The following DNAJC1 variants were observed in gnomAD, a reference collection of about 807,000 sequenced individuals.
DNAJC1 encodes the protein DnaJ heat shock protein family (Hsp40) member C1.
A neutral mutation model predicts 76.6 loss-of-function variants in DNAJC1; 58 were observed. That is an observed-to-expected ratio of 0.76 (90% CI 0.61 to 0.94). The LOEUF (loss-of-function observed/expected upper bound fraction) is 0.94. DNAJC1 is among the 40% of genes least tolerant of loss of function. The pLI is 0.00. For synonymous variants in DNAJC1, 258 were observed against 267.9 expected (o/e 0.96, Z 0.36); for missense variants, 689 against 677.3 (o/e 1.02, Z -0.19).
chr10:21,874,817 A>T (rs1011739398), intron 8 of DNAJC1, among the ~76,000 whole-genome samples: 9 of 152,222 alleles, frequency 5.9e-5, no homozygotes, highest in Admixed American at 3.3e-4. Flanking sequence ...AAAATGTTAT[A>T]AAAAGCCTAT....
intron 9 of DNAJC1, among the ~76,000 whole-genome samples, chr10:21,784,614 G>A (rs1038849213): frequency 6.6e-6 from 1 of 152,016 alleles, no homozygotes; most frequent in African/African-American, 2.4e-5. Flanking sequence ...TGTTTATTGT[G>A]GCACTATTCA....
intron 8 of DNAJC1, among the ~76,000 whole-genome samples, chr10:21,824,964 C>T (rs1475028243): frequency 6.6e-5 from 10 of 152,084 alleles, no homozygotes; most frequent in East Asian, 3.9e-4. Flanking sequence ...TTAGTAGAGA[C>T]GGGGTTTCAT....
At chr10:21,783,021 A>G (rs1425612791) in intron 9 of DNAJC1, among the ~76,000 whole-genome samples, 6 of 152,284 alleles carry the variant, frequency 3.9e-5, no homozygotes, top group African/African-American at 1.4e-4. Flanking sequence ...CACCACTCCT[A>G]TTCAACACAG....
intron 6 of DNAJC1, among the ~76,000 whole-genome samples, chr10:21,914,252 T>G (rs1209805859): frequency 1.3e-5 from 2 of 152,240 alleles, no homozygotes; most frequent in Admixed American, 6.5e-5. Context: ...TTTCACTGTT[T>G]GGCTTTGTTC....
intron 6 of DNAJC1, among the ~76,000 whole-genome samples, chr10:21,911,079 GGAA>G: frequency 3.4e-5 from 5 of 146,424 alleles, no homozygotes; most frequent in South Asian, 2.3e-4. Context: ...AAGGAAGGAA[GGAA>G]GGAAGGCGGG....
chr10:21,772,113 T>C (rs1414361822), intron 9 of DNAJC1, among the ~76,000 whole-genome samples: 1 of 152,068 alleles, frequency 6.6e-6, no homozygotes, highest in African/African-American at 2.4e-5. Flanking sequence ...TGATAATTCT[T>C]TTTATAAGTT....
At chr10:21,834,486 T>G (rs942679184) in intron 8 of DNAJC1, among the ~76,000 whole-genome samples, 1 of 152,182 alleles carries the variant, frequency 6.6e-6, no homozygotes, top group South Asian at 2.1e-4. Context: ...GGACAGTAGG[T>G]GCAGCGCACC....
chr10:21,849,517 C>A (rs143713346), intron 8 of DNAJC1, among the ~76,000 whole-genome samples: 146 of 151,828 alleles, frequency 9.6e-4, no homozygotes, highest in African/African-American at 3.2e-3. Context: ...CAAGCCAATA[C>A]TGACAGGGGG....
intron 1 of DNAJC1, among the ~76,000 whole-genome samples, chr10:21,995,298 T>C (rs930985143): frequency 6.6e-6 from 1 of 152,174 alleles, no homozygotes. Flanking sequence ...TCCCAGTAAA[T>C]GGCAACAATG....
At chr10:21,836,647 T>C (rs1325754614) in intron 8 of DNAJC1, among the ~76,000 whole-genome samples, 1 of 151,320 alleles carries the variant, frequency 6.6e-6, no homozygotes, top group Non-Finnish European at 1.5e-5. Flanking sequence ...ACCAAGCAAA[T>C]GGAAAACAAA....
rs9045 is a variant in DNAJC1, at chr10:21,759,401, C to T, written c.1365G>A (p.Ala455=). 255,365 of 1,614,090 alleles carry T rather than the reference C, an allele frequency of 0.16. 21,420 individuals are homozygous for T. Among genetic ancestry groups the T allele is most frequent in the East Asian group, 0.22 (9,648 of 44,874 alleles). Residue 455 remains alanine, a synonymous_variant, in exon 11 of 12, where the codon GCG becomes GCA. Transcript: ENST00000376980. ...TGGACTTCTCCTCTGGCTCCGGCTT[C>T]GCTGTAGCCTCCAGCAGCCTGGCTG... is the stretch of plus-strand genomic sequence containing the variant. The part of the protein sequence containing the change: ...RKPARLLEAT[A]KPEPEEKSRA...
intron 7 of DNAJC1, among the ~76,000 whole-genome samples, chr10:21,887,574 A>G (rs1836387366): frequency 1.3e-5 from 2 of 152,178 alleles, no homozygotes; most frequent in Admixed American, 6.5e-5. Context: ...GAGCCCAGAA[A>G]TAAGGCTGCA....
chr10:21,767,234 A>G (rs945216053), intron 9 of DNAJC1, among the ~76,000 whole-genome samples: 1 of 152,214 alleles, frequency 6.6e-6, no homozygotes, highest in Non-Finnish European at 1.5e-5. Flanking sequence ...AGCTGCACCC[A>G]AGAACCATGA....
chr10:21,897,071 G>T (rs145301110), intron 7 of DNAJC1, among the ~76,000 whole-genome samples: 160 of 152,228 alleles, frequency 1.1e-3, no homozygotes, highest in African/African-American at 3.6e-3. Context: ...ATCAAGAAGA[G>T]AATTAAATTT....
chr10:21,869,256 C>T (rs1836062902), intron 8 of DNAJC1, among the ~76,000 whole-genome samples: 1 of 146,092 alleles, frequency 6.8e-6, no homozygotes, highest in South Asian at 2.3e-4. Context: ...GCCATCTATT[C>T]TCTCTGAAGC....
chr10:21,899,859 A>T (rs1836618374), intron 7 of DNAJC1, among the ~76,000 whole-genome samples: 1 of 152,228 alleles, frequency 6.6e-6, no homozygotes. Flanking sequence ...TGAACCGCAG[A>T]GGCCACCCCT....
intron 1 of DNAJC1, among the ~76,000 whole-genome samples, chr10:21,959,031 G>A (rs953920857): frequency 3.3e-5 from 5 of 152,100 alleles, no homozygotes; most frequent in African/African-American, 7.2e-5. Flanking sequence ...AGAATGCATG[G>A]AAGGTATGAG....
intron 7 of DNAJC1, among the ~76,000 whole-genome samples, chr10:21,891,207 A>C (rs1209090757): frequency 6.6e-6 from 1 of 152,060 alleles, no homozygotes; most frequent in Non-Finnish European, 1.5e-5. Context: ...TAAATAAATA[A>C]AAAATTACTT....
chr10:21,909,121 C>T (rs1836810974), intron 6 of DNAJC1, among the ~76,000 whole-genome samples: 1 of 152,232 alleles, frequency 6.6e-6, no homozygotes, highest in Non-Finnish European at 1.5e-5. Flanking sequence ...CTCCTGGCCT[C>T]AGGTGATCTG....
Sources: allele counts gnomAD v4.1 joint callset (sites outside exome capture counted in the v4.1 genomes callset), GRCh38; gene constraint gnomAD v4.1.1; transcripts MANE v1.5; gene names NCBI Gene and HGNC (gene_info 2026-07-23, HGNC 2026-07-21).